Variants in XYLT1 observed in about 807,000 individuals in gnomAD.
XYLT1 encodes the protein xylosyltransferase 1.
In XYLT1, 36 loss-of-function variants were observed where a neutral mutation model predicts 91.3. The observed-to-expected ratio is 0.39, with a 90% CI of 0.30 to 0.52. XYLT1 has a LOEUF of 0.52. Ranked by LOEUF, XYLT1 falls within the 20% of genes least tolerant of loss-of-function variation. The pLI, the probability that XYLT1 is intolerant of heterozygous loss-of-function variation, is 0.68. For synonymous variants in XYLT1, 588 were observed against 532.0 expected, an observed-to-expected ratio of 1.11 and a Z score of -1.45; for missense variants, 1,242 against 1,284.5, an observed-to-expected ratio of 0.97 and a Z score of 0.51.
intron 1 of XYLT1, among the ~76,000 whole-genome samples, chr16:17,466,283 G>A (rs2036895671): frequency 6.6e-6 from 1 of 152,186 alleles, no homozygotes; most frequent in South Asian, 2.1e-4. Flanking sequence ...CACCTGTGCA[G>A]TCCAACAGGT....
At chr16:17,379,763 T>TCACACACACACACACACACA (rs71137987) in intron 1 of XYLT1, among the ~76,000 whole-genome samples, 12 of 125,620 alleles carry the variant, frequency 9.6e-5, no homozygotes, top group African/African-American at 3.8e-4. Context: ...TCTCTCTCTC[T>TCACACACACACACACACACA]CACACACACA....
At chr16:17,154,645 G>T (rs1234064482) in intron 6 of XYLT1, among the ~76,000 whole-genome samples, 1 of 152,176 alleles carries the variant, frequency 6.6e-6, no homozygotes, top group Admixed American at 6.5e-5. Flanking sequence ...AATGTATCTA[G>T]TGACTTTACT....
intron 2 of XYLT1, among the ~76,000 whole-genome samples, chr16:17,308,221 C>T (rs1192487038): frequency 6.6e-6 from 1 of 152,174 alleles, no homozygotes; most frequent in Non-Finnish European, 1.5e-5. Context: ...TGCCAGTAAG[C>T]TTTCTGTTGG....
intron 5 of XYLT1, among the ~76,000 whole-genome samples, chr16:17,197,386 C>T (rs767392117): frequency 1.3e-5 from 2 of 152,106 alleles, no homozygotes; most frequent in African/African-American, 4.8e-5. Flanking sequence ...TTGCCCCTTA[C>T]TTTATTTTTC....
chr16:17,241,093 A>C (rs772431709), intron 3 of XYLT1, among the ~76,000 whole-genome samples: 1 of 152,202 alleles, frequency 6.6e-6, no homozygotes, highest in African/African-American at 2.4e-5. Context: ...ACGCATAAGT[A>C]AAGTCTGGAG....
intron 1 of XYLT1, among the ~76,000 whole-genome samples, chr16:17,463,691 C>G (rs2036850670): frequency 1.3e-5 from 2 of 152,214 alleles, no homozygotes; most frequent in Admixed American, 6.5e-5. Flanking sequence ...AACAGAACTA[C>G]CATATGATCT....
At chr16:17,430,154 C>G (rs2036373053) in intron 1 of XYLT1, among the ~76,000 whole-genome samples, 1 of 151,936 alleles carries the variant, frequency 6.6e-6, no homozygotes. Flanking sequence ...CCAGGCTGGT[C>G]TTGAACTCCT....
intron 6 of XYLT1, among the ~76,000 whole-genome samples, chr16:17,141,781 C>T (rs2030983350): frequency 6.6e-6 from 1 of 152,144 alleles, no homozygotes; most frequent in Non-Finnish European, 1.5e-5. Flanking sequence ...TAGTACTCTT[C>T]AATGCATACA....
intron 1 of XYLT1, among the ~76,000 whole-genome samples, chr16:17,443,669 C>G (rs2036559075): frequency 1.3e-5 from 2 of 152,158 alleles, no homozygotes; most frequent in South Asian, 4.1e-4. Context: ...ATATTAAGTT[C>G]CTGCTACATG....
intron 2 of XYLT1, among the ~76,000 whole-genome samples, chr16:17,310,688 A>G (rs2034534492): frequency 6.6e-6 from 1 of 152,132 alleles, no homozygotes; most frequent in South Asian, 2.1e-4. Flanking sequence ...ATCTCTACTA[A>G]AAATACAAAA....
chr16:17,329,953 G>T (rs985950892), intron 2 of XYLT1, among the ~76,000 whole-genome samples: 1 of 152,176 alleles, frequency 6.6e-6, no homozygotes, highest in Non-Finnish European at 1.5e-5. Context: ...CTAACACCTA[G>T]CCCATAGTAC....
chr16:17,168,999 A>G (rs893994289), intron 5 of XYLT1, among the ~76,000 whole-genome samples: 1 of 152,216 alleles, frequency 6.6e-6, no homozygotes, highest in African/African-American at 2.4e-5. Flanking sequence ...GTGTTCTTTC[A>G]TAACTCTAAG....
Position 17,323,364 on chromosome 16 carries a change from G to A in XYLT1, c.402+34648C>T, listed in dbSNP as rs148461806. On this transcript the variant is annotated intron_variant, in intron 2 of 11. Coordinates refer to ENST00000261381, the MANE Select transcript of XYLT1 (RefSeq NM_022166.4). ...ACAATGCGGTTTTTGGCATCTTCGC[G>A]CAGACGGCACCATTGGGAATTCCTA... Among the ~76,000 whole-genome samples the A allele has an allele frequency of 1.1e-4, 17 of 152,234 alleles. No individual in the cohort carries two copies. The East Asian group carries it at 3.1e-3, about 28-fold the overall frequency.
intron 1 of XYLT1, among the ~76,000 whole-genome samples, chr16:17,390,887 A>C (rs189929119): frequency 1.3e-5 from 2 of 152,196 alleles, no homozygotes; most frequent in East Asian, 3.9e-4. Context: ...AAATACAAAA[A>C]ATTAGCTAGG....
rs190372245 is a variant in XYLT1, at chr16:17,225,325, T to G, written c.914-24671A>C. Among the ~76,000 whole-genome samples, 386 of 152,248 alleles carry G rather than the reference T, an allele frequency of 2.5e-3. 4 individuals carry two copies. Among genetic ancestry groups the G allele is most frequent in the African/African-American group, 8.9e-3 (371 of 41,552 alleles). On this transcript the variant is annotated intron_variant, in intron 3 of 11. Transcript: ENST00000261381. ...CTCCTTTTTAGGACCAACTCCATAA[T>G]TTGCAGGGCTCACTACAGATGAAAA...
At chr16:17,146,572 A>G (rs1334674732) in intron 6 of XYLT1, among the ~76,000 whole-genome samples, 1 of 152,220 alleles carries the variant, frequency 6.6e-6, no homozygotes, top group African/African-American at 2.4e-5. Context: ...AGAGAAGTGA[A>G]GAACACACAT....
In XYLT1 at chr16:17,312,870, T is replaced by C. The variant is rs144401840; in HGVS notation, c.402+45142A>G. On this transcript the variant is annotated intron_variant, in intron 2 of 11. Coordinates refer to ENST00000261381, the MANE Select transcript of XYLT1 (RefSeq NM_022166.4). This position sits in a 1 kb window ranked among gnomAD's most constrained non-coding sequence, Gnocchi z 4.4. ...CTGGTAACTAGTGCAAACTCGCTCA[T>C]GGATCAGAGATGTTTCTGAGGGTAC... Among the ~76,000 whole-genome samples, 253 of 152,366 alleles carry C rather than the reference T, an allele frequency of 1.7e-3. 1 individual carries two copies. The highest frequency in any genetic ancestry group is 5.8e-3 in the African/African-American group (240 of 41,590).
At chr16:17,358,782 A>G (rs1481279989) in intron 1 of XYLT1, among the ~76,000 whole-genome samples, 1 of 152,228 alleles carries the variant, frequency 6.6e-6, no homozygotes, top group African/African-American at 2.4e-5. Flanking sequence ...CCTGACTAGG[A>G]ACAAGGCCAT....
chr16:17,388,507 C>A (rs2035776120), intron 1 of XYLT1, among the ~76,000 whole-genome samples: 2 of 152,164 alleles, frequency 1.3e-5, no homozygotes, highest in South Asian at 4.1e-4. Flanking sequence ...TGCCTGTCAC[C>A]ACCTCCCTGA....
Sources: gnomAD v4.1 joint callset for allele counts (sites outside exome capture counted in the v4.1 genomes callset) on GRCh38, gnomAD v4.1.1 for gene constraint, Gnocchi (gnomAD v3.1) non-coding constraint, MANE v1.5 for transcripts, NCBI Gene and HGNC (gene_info 2026-07-23, HGNC 2026-07-21) for gene names.